The following AP3D1 variants were observed in gnomAD, a reference collection of about 807,000 sequenced individuals.
AP3D1 encodes the protein AP-3 complex subunit delta-1.
AP3D1 carries 51 observed loss-of-function variants against 147.6 expected under a neutral mutation model. The ratio of observed to expected loss-of-function variants is 0.35; its 90% confidence interval spans 0.28 to 0.44. The LOEUF (loss-of-function observed/expected upper bound fraction) is 0.44, where lower values mean the gene tolerates loss of function less well. AP3D1 is among the 20% of genes least tolerant of loss of function. The probability of loss-of-function intolerance (pLI) is 1.00; values close to 1 mark genes in which losing one functional copy is unlikely to be tolerated. For missense variants in AP3D1, 1,421 were observed against 1,624.2 expected (o/e 0.87, Z 2.15); for synonymous variants, 760 against 663.0 (o/e 1.15, Z -2.25).
In AP3D1 at chr19:2,137,647, T is replaced by C. The variant is rs1265208506; in HGVS notation, c.273+80A>G. 3 of 1,153,512 alleles carry C rather than the reference T, an allele frequency of 2.6e-6. No individual in the cohort carries two copies. In the East Asian group the frequency reaches 7.1e-5, roughly 27 times the overall value. The allele number at this position is 1,153,512 out of a possible 1,614,324, so 71.5% of individuals were successfully genotyped here. A position where few individuals can be genotyped will look rare whatever the true frequency, so the allele number is the denominator to read the frequency against. Reference sequence around the variant, plus strand: ...CTAGACTCTGTCTCAAGAATAATAATAATAAAAATTGGCCAGTCACGGTGC... The same window carrying C: ...CTAGACTCTGTCTCAAGAATAATAACAATAAAAATTGGCCAGTCACGGTGC... On this transcript the variant is annotated intron_variant, in intron 3 of 31. Transcript: ENST00000643116.
Position 2,116,231 on chromosome 19 carries a change from G to T in AP3D1, c.2049C>A (p.Ile683=). The change falls in exon 18 of 32, where the codon ATC becomes ATA. Residue 683 remains isoleucine (I), a synonymous_variant. Coordinates refer to ENST00000643116, the MANE Select transcript of AP3D1 (RefSeq NM_001261826.3). ...KQEQANNPFY[I]KSSPSPQKRY... Reference sequence around the variant, plus strand: ...CCTTCTGTGGCGATGGCGAGCTCTTGATGTAGAAGGGGTTGTTGGCCTGCT... The same window carrying T: ...CCTTCTGTGGCGATGGCGAGCTCTTTATGTAGAAGGGGTTGTTGGCCTGCT... The T allele has an allele frequency of 6.2e-7, 1 of 1,614,170 alleles. No homozygotes were observed. Among genetic ancestry groups the T allele is most frequent in the Non-Finnish European group, 8.5e-7 (1 of 1,180,004 alleles).
rs1164557734 is a variant in AP3D1, at chr19:2,109,948, C to T, written c.3275G>A (p.Gly1092Asp). ...TLSFIAKNDE[G>D]ATHEKLDFRL... Reference sequence around the variant, plus strand: ...GAAGTCCAGCTTCTCGTGGGTCGCACCCTCGTCATTCTGCGGTGGAGTGAA... The same window carrying T: ...GAAGTCCAGCTTCTCGTGGGTCGCATCCTCGTCATTCTGCGGTGGAGTGAA... Residue 1092 changes from glycine to aspartate, a missense_variant, in exon 29 of 32, where the codon GGT becomes GAT. Gly to Asp is a moderately conservative substitution (Grantham distance 94). Coordinates refer to ENST00000643116, the MANE Select transcript of AP3D1 (RefSeq NM_001261826.3). 1.2e-6 allele frequency: 2 copies of T among 1,613,472 alleles called. No homozygotes were observed. Among genetic ancestry groups the T allele is most frequent in the East Asian group, 2.2e-5 (1 of 44,874 alleles).
At position 2,129,135 on chromosome 19, in the gene AP3D1, C is replaced by G; in HGVS notation, c.761G>C (p.Arg254Pro). 3 of 1,599,828 alleles carry G rather than the reference C, an allele frequency of 1.9e-6. No homozygotes were observed. The highest frequency in any genetic ancestry group is 2.6e-6 in the Non-Finnish European group (3 of 1,174,250). ...LFGALTPLEP[R>P]LGKKLIEPLT... ...GGGCTCGATCAGCTTCTTGCCCAGC[C>G]GCGGTTCCAAAGGAGTAAGAGCACC... The change falls in exon 8 of 32, where the codon CGG (arginine) becomes CCG (proline). Residue 254 changes from arginine (R) to proline (P), a missense_variant. Arg to Pro is a moderately radical substitution (Grantham distance 103). Around this residue, in one of 6 missense-constraint regions of AP3D1, gnomAD observed 292 missense variants for 412.0 expected, o/e 0.71. Transcript: ENST00000643116.
At chr19:2,140,426 G>A (rs768008637) in intron 1 of AP3D1, among the ~76,000 whole-genome samples, 4 of 151,912 alleles carry the variant, frequency 2.6e-5, no homozygotes, top group Non-Finnish European at 4.4e-5. Flanking sequence ...CACGCTCGCC[G>A]CTGATGAATG....
intron 1 of AP3D1, among the ~76,000 whole-genome samples, chr19:2,147,518 T>G (rs950758842): frequency 2.1e-5 from 3 of 145,642 alleles, no homozygotes; most frequent in African/African-American, 7.6e-5. Flanking sequence ...ATTGTGCCAC[T>G]GCACTCCAGC....
At position 2,118,787 on chromosome 19, in the gene AP3D1, G is replaced by A. The variant is rs759942860; in HGVS notation, c.1527C>T (p.Pro509=). The A allele has an allele frequency of 1.9e-6, 3 of 1,613,776 alleles. No individual in the cohort carries two copies. Among genetic ancestry groups the A allele is most frequent in the Non-Finnish European group, 2.5e-6 (3 of 1,180,018 alleles). The change falls in exon 15 of 32, where the codon CCC becomes CCT. Residue 509 remains proline (P), a synonymous_variant. Coordinates refer to ENST00000643116, the MANE Select transcript of AP3D1 (RefSeq NM_001261826.3). ...PHHTLEAMLR[P]RVTTLPGHIQ... ...TGTGGCCTGGCAGCGTGGTGACTCTGGGCCGCAGCATGGCCTCCAAAGTGT... is the reference window on the plus strand; with the variant it reads ...TGTGGCCTGGCAGCGTGGTGACTCTAGGCCGCAGCATGGCCTCCAAAGTGT...
At position 2,121,727 on chromosome 19, in the gene AP3D1, C is replaced by T. The variant is rs201550850; in HGVS notation, c.1101+7G>A. 3.9e-4 allele frequency: 611 copies of T among 1,586,950 alleles called. 2 individuals carry two copies. The African/African-American group carries it at 7.6e-3, about 20-fold the overall frequency. ...AGGCGGGCGGGCGGCGGACAGAGGGCACGCACCATCCCATAGAGCAGGTCC... is the reference window on the plus strand; with the variant it reads ...AGGCGGGCGGGCGGCGGACAGAGGGTACGCACCATCCCATAGAGCAGGTCC... On this transcript the variant is annotated splice_region_variant and intron_variant, in intron 12 of 31. Coordinates refer to ENST00000643116, the MANE Select transcript of AP3D1 (RefSeq NM_001261826.3).
intron 1 of AP3D1, among the ~76,000 whole-genome samples, chr19:2,143,434 A>T (rs1330454149): frequency 6.6e-6 from 1 of 150,494 alleles, no homozygotes; most frequent in Admixed American, 6.6e-5. Flanking sequence ...TAGAGACGGG[A>T]TTTCGCCGTG....
chr19:2,116,468 C>T, intron 17 of AP3D1, 137 bp downstream of exon 17: 1 of 1,294,056 alleles, frequency 7.7e-7, no homozygotes. Context: ...ATCGCTAACG[C>T]TCTGGGAGGC....
At chr19:2,153,068 A>AG (rs1321350067), upstream of AP3D1, among the ~76,000 whole-genome samples, 3 of 151,256 alleles carry the variant, frequency 2.0e-5, no homozygotes, top group Non-Finnish European at 2.9e-5. Context: ...AAAAAAAAAA[A>AG]AAAAAAAAGG....
Position 2,117,326 on chromosome 19 carries a change from A to G in AP3D1, c.1755T>C (p.Leu585=), listed in dbSNP as rs2018485825. 3 of 1,611,954 alleles carry G rather than the reference A, an allele frequency of 1.9e-6. No individual in the cohort carries two copies. The highest frequency in any genetic ancestry group is 2.5e-6 in the Non-Finnish European group (3 of 1,179,440). The change falls in exon 16 of 32, where the codon CTT becomes CTC. Residue 585 remains leucine, a synonymous_variant. Transcript: ENST00000643116. ...ILQLVKHIQK[L]QAKDVPVAEE... ...CTGCCACAGGCACGTCCTTGGCCTG[A>G]AGCTTCTGGATGTGCTTGACCAGCT...
chr19:2,127,747 G>C (rs1294091823), intron 8 of AP3D1, among the ~76,000 whole-genome samples: 1 of 152,206 alleles, frequency 6.6e-6, no homozygotes, highest in Non-Finnish European at 1.5e-5. Flanking sequence ...GACTGGTCTT[G>C]AACTCCTGAC....
intron 1 of AP3D1, among the ~76,000 whole-genome samples, chr19:2,141,416 C>T (rs982540667): frequency 6.6e-6 from 1 of 150,812 alleles, no homozygotes; most frequent in East Asian, 1.9e-4. Context: ...CCTAGATACA[C>T]AGGAAAACTC....
Position 2,160,996 on chromosome 19 carries a change from A to G in AP3D1, c.-103+3360T>C, listed in dbSNP as rs1028959419. On this transcript the variant is annotated intron_variant, in intron 1 of 14. Coordinates refer to the AP3D1 transcript ENST00000643010. ...GGGTAAGGGATTCCAAGAGCCCCCA[A>G]GAGACTGCATCCCATGATCCACCAC... 2.0e-5 allele frequency among the ~76,000 whole-genome samples: 3 copies of G among 151,928 alleles called. No homozygotes were observed. The East Asian group carries it at 5.8e-4, about 29-fold the overall frequency.
chr19:2,141,054 C>T (rs1023430795), intron 1 of AP3D1, among the ~76,000 whole-genome samples: 3 of 151,998 alleles, frequency 2.0e-5, no homozygotes, highest in Non-Finnish European at 1.5e-5. Flanking sequence ...CCACTGCGCC[C>T]GGCCTGAATT....
chr19:2,123,277 T>C (rs2018659909), intron 11 of AP3D1, 81 bp downstream of exon 11: 1 of 1,389,016 alleles, frequency 7.2e-7, no homozygotes, highest in Non-Finnish European at 1.0e-6. Flanking sequence ...CCGTGTCCAC[T>C]TCCTCCTCAC....
At chr19:2,111,086 C>G (rs2018262142) in intron 26 of AP3D1, 190 bp from the exon 27 acceptor site, 1 of 915,802 alleles carries the variant, frequency 1.1e-6, no homozygotes, top group South Asian at 1.7e-5. Flanking sequence ...CGGGGACCCT[C>G]CTGCCAGTCC....
intron 3 of AP3D1, 110 bp from the exon 4 acceptor site, chr19:2,137,201 C>A: frequency 2.1e-6 from 2 of 935,066 alleles, no homozygotes; most frequent in Non-Finnish European, 1.7e-6. Flanking sequence ...GAAGCAACAC[C>A]CTGCAGCCTG....
At chr19:2,133,415 C>T (rs1232454956) in intron 4 of AP3D1, 17 of 152,178 alleles carry the variant, frequency 1.1e-4, no homozygotes, top group Admixed American at 1.1e-3. Context: ...GGGGAGAGAT[C>T]TTCTTAAGGA....
Sources: gnomAD v4.1 joint callset for allele counts (sites outside exome capture counted in the v4.1 genomes callset) on GRCh38, gnomAD v4.1.1 for gene constraint, gnomAD v4.1.1 regional missense constraint, MANE v1.5 for transcripts, NCBI Gene and HGNC (gene_info 2026-07-23, HGNC 2026-07-21) for gene names.